WDR64: variants seen among roughly 807,000 people sequenced by gnomAD.
WDR64 encodes the protein WD repeat domain 64, also known as WD repeat-containing protein 64.
WDR64 carries 112 observed loss-of-function variants against 139.3 expected under a neutral mutation model. The ratio of observed to expected loss-of-function variants is 0.80; its 90% CI spans 0.69 to 0.94. The LOEUF (loss-of-function observed/expected upper bound fraction) is 0.94, where lower values mean the gene tolerates loss of function less well. WDR64 is among the 40% of genes least tolerant of loss of function. The pLI is 0.00. For missense variants in WDR64, 1,206 were observed against 1,293.1 expected (o/e 0.93, Z 1.03); for synonymous variants, 444 against 437.7 (o/e 1.01, Z -0.18).
rs1344404136 is a variant in WDR64 at position 241,652,544 on chromosome 1, G to A, written c.60G>A (p.Lys20=). The A allele has an allele frequency of 1.0e-5, 16 of 1,552,146 alleles. No homozygotes were observed. The Admixed American group carries it at 2.5e-4, about 25-fold the overall frequency. The change falls in exon 1 of 28, where the codon AAG becomes AAA. Residue 20 remains lysine (K), a synonymous_variant. Coordinates refer to ENST00000437684, the MANE Select transcript of WDR64 (RefSeq NM_001367482.1). ...NMALQMSNFK[K]ALNRFEKLVE... ...CACTTCAGATGAGCAATTTCAAAAA[G>A]GCTTTGAACAGGTTTGAAAAATTGG...
chr1:241,701,266 G>A (rs977721022), intron 8 of WDR64, among the ~76,000 whole-genome samples: 7 of 150,022 alleles, frequency 4.7e-5, no homozygotes, highest in Admixed American at 1.3e-4. Context: ...ATACACATGC[G>A]TGCACATGCG....
chr1:241,768,540 C>G (rs1658278902), intron 16 of WDR64, among the ~76,000 whole-genome samples: 1 of 152,182 alleles, frequency 6.6e-6, no homozygotes, highest in Admixed American at 6.5e-5. Context: ...TTCAGCTCAT[C>G]TGCACAACAG....
chr1:241,767,443 T>C (rs1350013698), intron 16 of WDR64, among the ~76,000 whole-genome samples: 1 of 152,034 alleles, frequency 6.6e-6, no homozygotes. Context: ...AATTGGAACG[T>C]GTGCAAGGGC....
chr1:241,733,045 G>C (rs988935369), intron 10 of WDR64, among the ~76,000 whole-genome samples: 1 of 152,082 alleles, frequency 6.6e-6, no homozygotes, highest in African/African-American at 2.4e-5. Context: ...TCTTTCTCTT[G>C]TCCTTTTCTT....
intron 9 of WDR64, among the ~76,000 whole-genome samples, chr1:241,715,313 G>A (rs1463037592): frequency 6.6e-6 from 1 of 152,098 alleles, no homozygotes; most frequent in Admixed American, 6.5e-5. Context: ...AAAAGAAGTG[G>A]GATACTTTCA....
chr1:241,711,690 T>C (rs868227771), intron 8 of WDR64, 112 bp from the exon 9 acceptor site: 4 of 1,072,584 alleles, frequency 3.7e-6, no homozygotes, highest in Middle Eastern at 4.7e-4. Flanking sequence ...TGGGGGCAAA[T>C]GGATTTACAA....
intron 27 of WDR64, among the ~76,000 whole-genome samples, chr1:241,798,229 A>C (rs1659423789): frequency 6.6e-6 from 1 of 152,188 alleles, no homozygotes; most frequent in Non-Finnish European, 1.5e-5. Context: ...CGTCGATCAC[A>C]CCAGAAAGAC....
chr1:241,770,212 G>C (rs935016258), intron 17 of WDR64, among the ~76,000 whole-genome samples: 1 of 152,128 alleles, frequency 6.6e-6, no homozygotes, highest in Non-Finnish European at 1.5e-5. Flanking sequence ...CTTTTCAGCC[G>C]GTTTCAGTGG....
chr1:241,787,806 A>G, intron 23 of WDR64, 43 bp from the exon 24 acceptor site: 2 of 1,519,238 alleles, frequency 1.3e-6, no homozygotes, highest in Non-Finnish European at 1.8e-6. Flanking sequence ...CTTTGACCAA[A>G]TTTTCCAGTT....
chr1:241,760,734 T>A (rs918157517), intron 15 of WDR64, among the ~76,000 whole-genome samples: 2 of 147,496 alleles, frequency 1.4e-5, no homozygotes, highest in African/African-American at 4.9e-5. Context: ...ATACTTTATT[T>A]TATATATATA....
chr1:241,723,169 T>A, intron 9 of WDR64, 128 bp from the exon 10 acceptor site: 1 of 1,229,020 alleles, frequency 8.1e-7, no homozygotes, highest in Non-Finnish European at 1.1e-6. Context: ...CACAGAATAA[T>A]GCATCCTGCC....
intron 5 of WDR64, among the ~76,000 whole-genome samples, chr1:241,678,457 C>T (rs889674074): frequency 2.0e-5 from 3 of 152,142 alleles, no homozygotes; most frequent in Non-Finnish European, 4.4e-5. Context: ...CTGGTTACTC[C>T]TTGGAAGCTT....
intron 15 of WDR64, among the ~76,000 whole-genome samples, chr1:241,763,255 G>A (rs1419924415): frequency 6.6e-6 from 1 of 151,846 alleles, no homozygotes; most frequent in Non-Finnish European, 1.5e-5. Context: ...GAAAAACTAT[G>A]GTGATAAATT....
chr1:241,687,859 T>A (rs1667069302), intron 8 of WDR64, among the ~76,000 whole-genome samples: 1 of 152,216 alleles, frequency 6.6e-6, no homozygotes, highest in Non-Finnish European at 1.5e-5. Context: ...TACGAGTGCA[T>A]CTATAACATA....
intron 8 of WDR64, among the ~76,000 whole-genome samples, chr1:241,691,434 A>G (rs1667276746): frequency 6.6e-6 from 1 of 152,224 alleles, no homozygotes; most frequent in African/African-American, 2.4e-5. Context: ...CACTTTAAAT[A>G]TAATGGCACA....
chr1:241,729,136 C>T (rs963175466), intron 10 of WDR64, among the ~76,000 whole-genome samples: 10 of 152,182 alleles, frequency 6.6e-5, no homozygotes, highest in Non-Finnish European at 2.9e-5. Flanking sequence ...TTCAAAGTCA[C>T]CTTTGATCCT....
intron 10 of WDR64, among the ~76,000 whole-genome samples, chr1:241,735,843 CTCTCTCTCTCTCTGTG>C (rs1379622651): frequency 9.4e-6 from 1 of 106,732 alleles, no homozygotes; most frequent in African/African-American, 4.2e-5. Context: ...CTCTCTCTCT[CTCTCTCTCTCTCTGTG>C]TGTGTGTGTG....
intron 10 of WDR64, among the ~76,000 whole-genome samples, chr1:241,730,852 A>G (rs893739237): frequency 1.3e-5 from 2 of 152,234 alleles, no homozygotes; most frequent in African/African-American, 4.8e-5. Context: ...TAGGAATGAC[A>G]TAGACATCAA....
chr1:241,718,574 T>A (rs1280864208), intron 9 of WDR64, among the ~76,000 whole-genome samples: 1 of 152,168 alleles, frequency 6.6e-6, no homozygotes, highest in South Asian at 2.1e-4. Flanking sequence ...TTGCTGTTAA[T>A]AAGGGCAGCA....
Sources: gnomAD v4.1 joint callset for allele counts (sites outside exome capture counted in the v4.1 genomes callset) on GRCh38, gnomAD v4.1.1 for gene constraint, MANE v1.5 for transcripts, NCBI Gene and HGNC (gene_info 2026-07-23, HGNC 2026-07-21) for gene names.